RNGTT: variants seen among roughly 807,000 people sequenced by gnomAD.
RNGTT encodes the protein mRNA-capping enzyme.
RNGTT carries 33 observed loss-of-function variants against 79.3 expected under a neutral mutation model. The observed-to-expected ratio is 0.42, with a 90% confidence interval of 0.32 to 0.56. RNGTT has a LOEUF of 0.56. Among genes scored for constraint, RNGTT ranks in the 20% least tolerant of loss-of-function variants. The probability of loss-of-function intolerance (pLI) is 0.17; values close to 1 mark genes in which losing one functional copy is unlikely to be tolerated. For synonymous variants in RNGTT, 222 were observed against 235.9 expected, an observed-to-expected ratio of 0.94 and a Z score of 0.54; for missense variants, 497 against 739.1, an observed-to-expected ratio of 0.67 and a Z score of 3.80.
intron 14 of RNGTT, among the ~76,000 whole-genome samples, chr6:88,642,323 A>C (rs1335246138): frequency 6.6e-6 from 1 of 152,208 alleles, no homozygotes; most frequent in African/African-American, 2.4e-5. Flanking sequence ...CAAGAGCCTA[A>C]TATGATACCC....
chr6:88,917,190 A>C (rs1291944262), intron 4 of RNGTT, among the ~76,000 whole-genome samples: 2 of 152,226 alleles, frequency 1.3e-5, no homozygotes, highest in African/African-American at 4.8e-5. Flanking sequence ...CCACCACAAA[A>C]CATGCTACTT....
At chr6:88,665,536 C>T (rs926810614) in intron 14 of RNGTT, among the ~76,000 whole-genome samples, 2 of 152,218 alleles carry the variant, frequency 1.3e-5, no homozygotes, top group Non-Finnish European at 2.9e-5. Flanking sequence ...AACCCGTACA[C>T]ATTGTTGGGG....
intron 13 of RNGTT, among the ~76,000 whole-genome samples, chr6:88,712,771 C>T (rs1481812131): frequency 6.6e-6 from 1 of 152,064 alleles, no homozygotes; most frequent in African/African-American, 2.4e-5. Context: ...CATTATGACC[C>T]AGCTTTATCT....
At chr6:88,900,502 G>A (rs1288198709) in intron 6 of RNGTT, among the ~76,000 whole-genome samples, 1 of 150,890 alleles carries the variant, frequency 6.6e-6, no homozygotes, top group Non-Finnish European at 1.5e-5. Flanking sequence ...CGGAGGTTGA[G>A]GCAGGTGGGT....
intron 14 of RNGTT, among the ~76,000 whole-genome samples, chr6:88,671,931 C>G (rs958677299): frequency 6.6e-6 from 1 of 152,008 alleles, no homozygotes; most frequent in African/African-American, 2.4e-5. Context: ...GAAACTGGAT[C>G]CTCTTCTCTC....
chr6:88,962,548 G>A (rs1785668795), intron 1 of RNGTT, among the ~76,000 whole-genome samples: 1 of 151,888 alleles, frequency 6.6e-6, no homozygotes, highest in South Asian at 2.1e-4. Flanking sequence ...CGAGGCGGGC[G>A]GATCACTTGA....
At chr6:88,912,308 C>T (rs569802335) in intron 4 of RNGTT, among the ~76,000 whole-genome samples, 1 of 152,004 alleles carries the variant, frequency 6.6e-6, no homozygotes, top group African/African-American at 2.4e-5. Flanking sequence ...GCTACTCAGG[C>T]TAGGGCAGGA....
intron 11 of RNGTT, among the ~76,000 whole-genome samples, chr6:88,804,729 A>AT: frequency 6.6e-6 from 1 of 152,080 alleles, no homozygotes; most frequent in South Asian, 2.1e-4. Flanking sequence ...AAAAAAAAAA[A>AT]GTATCCAAAC....
chr6:88,694,610 GA>G (rs1258594705), intron 13 of RNGTT, among the ~76,000 whole-genome samples: 1 of 152,000 alleles, frequency 6.6e-6, no homozygotes, highest in African/African-American at 2.4e-5. Flanking sequence ...ATTCCTATGG[GA>G]CTACAAAAAA....
chr6:88,696,202 CTTGGT>C (rs1696890251), intron 13 of RNGTT, among the ~76,000 whole-genome samples: 1 of 152,130 alleles, frequency 6.6e-6, no homozygotes, highest in Admixed American at 6.5e-5. Context: ...TGTCAATTAG[CTTGGT>C]TTAATAATTC....
chr6:88,935,228 G>C (rs1423062653), intron 2 of RNGTT, among the ~76,000 whole-genome samples: 1 of 152,258 alleles, frequency 6.6e-6, no homozygotes, highest in East Asian at 1.9e-4. Context: ...GTCTAAATCA[G>C]TTGGCTGTAA....
At chr6:88,642,103 G>T (rs193258081) in intron 14 of RNGTT, among the ~76,000 whole-genome samples, 27 of 152,232 alleles carry the variant, frequency 1.8e-4, no homozygotes, top group Non-Finnish European at 3.4e-4. Flanking sequence ...CTCCAGGAGG[G>T]TGTAGAGATA....
chr6:88,785,961 T>C (rs897309344), intron 12 of RNGTT, among the ~76,000 whole-genome samples: 3 of 152,136 alleles, frequency 2.0e-5, no homozygotes, highest in Non-Finnish European at 4.4e-5. Flanking sequence ...AAAATAGTGA[T>C]GAAAACATTA....
Position 88,622,943 on chromosome 6 carries a change from T to C in RNGTT, c.1507-8548A>G, listed in dbSNP as rs150022748. ...CAAACAAGAAAACAACTACAAAATG[T>C]TTACAAAATGATAATGCCTATGGAG... On this transcript the variant is annotated intron_variant, in intron 14 of 15. Coordinates refer to ENST00000369485, the MANE Select transcript of RNGTT (RefSeq NM_003800.5). Among the ~76,000 whole-genome samples the C allele has an allele frequency of 4.8e-3, 725 of 152,220 alleles. 5 individuals carry two copies. Among genetic ancestry groups the C allele is most frequent in the African/African-American group, 0.015 (622 of 41,536 alleles).
intron 1 of RNGTT, among the ~76,000 whole-genome samples, chr6:88,951,869 A>C (rs1161483548): frequency 6.6e-6 from 1 of 152,114 alleles, no homozygotes; most frequent in Non-Finnish European, 1.5e-5. Context: ...GGGGGGAAAA[A>C]AGCTTCCAAA....
At chr6:88,851,499 C>A (rs1312750648) in intron 9 of RNGTT, among the ~76,000 whole-genome samples, 1 of 151,820 alleles carries the variant, frequency 6.6e-6, no homozygotes, top group East Asian at 1.9e-4. Flanking sequence ...AAAATTCTTG[C>A]CATTAACTTT....
intron 6 of RNGTT, among the ~76,000 whole-genome samples, chr6:88,896,392 T>A (rs1301193891): frequency 1.3e-5 from 2 of 152,192 alleles, no homozygotes; most frequent in Admixed American, 6.5e-5. Flanking sequence ...GAATTGGGAT[T>A]CCGAGACAAG....
At chr6:88,617,572 T>C (rs939445665) in intron 14 of RNGTT, among the ~76,000 whole-genome samples, 1 of 152,226 alleles carries the variant, frequency 6.6e-6, no homozygotes, top group Non-Finnish European at 1.5e-5. Flanking sequence ...TAATTAAGTA[T>C]GCCATCTAAA....
At chr6:88,768,345 T>C (rs1236801000) in intron 13 of RNGTT, among the ~76,000 whole-genome samples, 1 of 152,072 alleles carries the variant, frequency 6.6e-6, no homozygotes, top group African/African-American at 2.4e-5. Flanking sequence ...TGGCCTCAAG[T>C]GATCCTCCCA....
Sources: allele counts gnomAD v4.1 joint callset (sites outside exome capture counted in the v4.1 genomes callset), GRCh38; gene constraint gnomAD v4.1.1; transcripts MANE v1.5; gene names NCBI Gene and HGNC (gene_info 2026-07-23, HGNC 2026-07-21).